Variants in TFPI observed in about 807,000 individuals in gnomAD.
TFPI encodes anti-convertin.
A neutral mutation model predicts 34.6 loss-of-function variants in TFPI; 15 were observed. The ratio of observed to expected loss-of-function variants is 0.43; its 90% confidence interval spans 0.29 to 0.67. TFPI has a LOEUF of 0.67. Among genes scored for constraint, TFPI ranks in the 30% least tolerant of loss-of-function variants. TFPI has a pLI of 0.15. For missense variants in TFPI, 301 were observed against 364.0 expected, an observed-to-expected ratio of 0.83 and a Z score of 1.41; for synonymous variants, 105 against 120.1, an observed-to-expected ratio of 0.87 and a Z score of 0.82.
intron 6 of TFPI, among the ~76,000 whole-genome samples, chr2:187,474,175 A>G (rs539977239): frequency 7.2e-4 from 109 of 152,322 alleles, no homozygotes; most frequent in African/African-American, 2.5e-3. Flanking sequence ...AACTTTCTTC[A>G]TGACATATAT....
intron 1 of TFPI, among the ~76,000 whole-genome samples, chr2:187,513,313 A>C (rs561817079): frequency 6.6e-6 from 1 of 152,228 alleles, no homozygotes; most frequent in Non-Finnish European, 1.5e-5. Flanking sequence ...AAGGTTAAAA[A>C]GAGTCTATAA....
chr2:187,467,964 T>C, intron 6 of TFPI, 32 bp from the exon 7 acceptor site: 7 of 1,517,256 alleles, frequency 4.6e-6, no homozygotes, highest in Non-Finnish European at 8.8e-7. Flanking sequence ...TGGTAAGCCA[T>C]ATGTGATAGT....
Position 187,466,732 on chromosome 2 carries a change from TA to T in TFPI, c.*203del, listed in dbSNP as rs1411503148. Reference sequence around the variant, plus strand: ...AATAAGTAATTTCCCAGTAGCCAGTTAATAAATTACAGACCTAGAATAAGCA... The same window carrying T: ...AATAAGTAATTTCCCAGTAGCCAGTTATAAATTACAGACCTAGAATAAGCA... On this transcript the variant is annotated 3_prime_UTR_variant, in exon 8 of 8. Coordinates refer to ENST00000233156, the MANE Select transcript of TFPI (RefSeq NM_006287.6). The T allele has an allele frequency of 1.7e-5, 5 of 299,392 alleles. No individual in the cohort carries two copies. The highest frequency in any genetic ancestry group is 1.1e-4 in the African/African-American group (5 of 44,718). The allele number at this position is 299,392 out of a possible 1,614,324, so 18.5% of individuals were successfully genotyped here.
At chr2:187,493,139 C>T (rs907272669) in intron 3 of TFPI, among the ~76,000 whole-genome samples, 20 of 152,148 alleles carry the variant, frequency 1.3e-4, no homozygotes, top group African/African-American at 3.6e-4. Flanking sequence ...CTTTTATCTG[C>T]GCATCCAGGC....
intron 1 of TFPI, among the ~76,000 whole-genome samples, chr2:187,550,962 G>A (rs562083443): frequency 6.6e-6 from 1 of 152,220 alleles, no homozygotes; most frequent in African/African-American, 2.4e-5. Context: ...GGGTCAAGAA[G>A]AGGAGAAGAG....
chr2:187,513,768 T>C (rs556596780), intron 1 of TFPI: 12 of 152,532 alleles, frequency 7.9e-5, no homozygotes, highest in African/African-American at 2.9e-4. Context: ...AATTTAACTC[T>C]TTCATCTATT....
chr2:187,485,896 G>A (rs767208490), intron 4 of TFPI, among the ~76,000 whole-genome samples: 17 of 151,622 alleles, frequency 1.1e-4, no homozygotes, highest in Non-Finnish European at 2.1e-4. Context: ...CTGAACTGTG[G>A]TAACCTTTTT....
intron 3 of TFPI, among the ~76,000 whole-genome samples, chr2:187,495,361 A>G (rs1430938442): frequency 1.3e-5 from 2 of 152,200 alleles, no homozygotes; most frequent in Non-Finnish European, 2.9e-5. Context: ...TTTCAACTCA[A>G]CACAAAAGGA....
Position 187,467,038 on chromosome 2 carries a change from G to T in TFPI, c.813C>A (p.Phe271Leu). The T allele has an allele frequency of 6.4e-7, 1 of 1,554,046 alleles. No homozygotes were observed. Among genetic ancestry groups the T allele is most frequent in the South Asian group, 1.2e-5 (1 of 85,602 alleles). ...GGCCTCCTTTTGATATTCTTTGGATGAAACCTATAAGAGGAAGAGGAATAA... is the reference window on the plus strand; with the variant it reads ...GGCCTCCTTTTGATATTCTTTGGATTAAACCTATAAGAGGAAGAGGAATAA... ...QECLRACKKG[F>L]IQRISKGGLI... Residue 271 changes from phenylalanine to leucine, a missense_variant, in exon 8 of 8, where the codon TTC becomes TTA. Physicochemically the swap from Phe to Leu is conservative, Grantham distance 22. Coordinates refer to ENST00000233156, the MANE Select transcript of TFPI (RefSeq NM_006287.6).
chr2:187,511,146 G>A (rs1049675633), intron 1 of TFPI, among the ~76,000 whole-genome samples: 2 of 152,174 alleles, frequency 1.3e-5, no homozygotes, highest in African/African-American at 2.4e-5. Context: ...GCAGGCCCCC[G>A]CAGAGGGTCA....
chr2:187,502,796 C>T (rs1342491674), intron 2 of TFPI, among the ~76,000 whole-genome samples: 7 of 152,128 alleles, frequency 4.6e-5, no homozygotes, highest in Admixed American at 3.3e-4. Flanking sequence ...TCTCTAGCAC[C>T]TTCCACAGAT....
rs576707573 is a variant in TFPI at position 187,480,673 on chromosome 2, A to T, written c.628+3451T>A. On this transcript the variant is annotated intron_variant, in intron 6 of 7. Coordinates refer to ENST00000233156, the MANE Select transcript of TFPI (RefSeq NM_006287.6). ...AGGGAAATTGCTTTAGAAATATTTCAGGTGGAGAGAACACACATTTATTTT... is the reference window on the plus strand; with the variant it reads ...AGGGAAATTGCTTTAGAAATATTTCTGGTGGAGAGAACACACATTTATTTT... 4.0e-4 allele frequency among the ~76,000 whole-genome samples: 61 copies of T among 152,262 alleles called. 2 individuals carry two copies. The South Asian group carries it at 9.5e-3, about 24-fold the overall frequency.
At chr2:187,551,719 T>C (rs1013588164) in intron 1 of TFPI, among the ~76,000 whole-genome samples, 4 of 152,164 alleles carry the variant, frequency 2.6e-5, no homozygotes, top group Admixed American at 6.5e-5. Context: ...ACATGTCTAT[T>C]GAATTCAAGT....
intron 1 of TFPI, among the ~76,000 whole-genome samples, chr2:187,545,502 CCA>C (rs1026652149): frequency 6.6e-6 from 1 of 152,036 alleles, no homozygotes; most frequent in African/African-American, 2.4e-5. Context: ...TTTTTTCACC[CCA>C]GAGTCTTACA....
intron 3 of TFPI, among the ~76,000 whole-genome samples, chr2:187,494,175 C>A (rs748019545): frequency 6.6e-6 from 1 of 151,662 alleles, no homozygotes; most frequent in Non-Finnish European, 1.5e-5. Context: ...GGAAAGACCA[C>A]CTTCCCCCCC....
intron 1 of TFPI, chr2:187,546,619 TTCTCTA>T (rs1434891867): frequency 6.6e-6 from 1 of 152,144 alleles, no homozygotes; most frequent in Non-Finnish European, 1.5e-5. Flanking sequence ...AAATGTGTAT[TTCTCTA>T]TTATAATTAC....
At chr2:187,504,555 T>G (rs1393617883) in intron 1 of TFPI, among the ~76,000 whole-genome samples, 3 of 142,530 alleles carry the variant, frequency 2.1e-5, no homozygotes, top group Non-Finnish European at 4.6e-5. Flanking sequence ...TAAAGATCTA[T>G]CGCCAAAAAG....
At chr2:187,538,737 A>T (rs1048560715) in intron 1 of TFPI, among the ~76,000 whole-genome samples, 1 of 152,206 alleles carries the variant, frequency 6.6e-6, no homozygotes, top group South Asian at 2.1e-4. Context: ...AAGTAAAATT[A>T]AAAAATTAAT....
intron 1 of TFPI, among the ~76,000 whole-genome samples, chr2:187,509,088 T>C (rs1051254949): frequency 6.6e-6 from 1 of 152,232 alleles, no homozygotes; most frequent in African/African-American, 2.4e-5. Context: ...CTTTATGTGA[T>C]AGATTAAGTT....
Sources: gnomAD v4.1 joint callset for allele counts (sites outside exome capture counted in the v4.1 genomes callset) on GRCh38, gnomAD v4.1.1 for gene constraint, MANE v1.5 for transcripts, NCBI Gene and HGNC (gene_info 2026-07-23, HGNC 2026-07-21) for gene names.